CCDC187: variants seen among roughly 807,000 people sequenced by gnomAD.
CCDC187 encodes coiled-coil domain-containing protein 187.
A neutral mutation model predicts 38.0 loss-of-function variants in CCDC187; 32 were observed. The observed-to-expected ratio is 0.84, with a 90% CI of 0.64 to 1.13. The LOEUF is 1.13. Among genes scored for constraint, CCDC187 ranks in the 50% most tolerant of loss-of-function variants. The pLI, the probability that CCDC187 is intolerant of heterozygous loss-of-function variation, is 0.00. For synonymous variants in CCDC187, 333 were observed against 347.9 expected, an observed-to-expected ratio of 0.96 and a Z score of 0.48; for missense variants, 707 against 786.8, an observed-to-expected ratio of 0.90 and a Z score of 1.21.
chr9:136,254,451 G>C lies in CCDC187; in HGVS notation c.5377C>G (p.Leu1793Val). 2.0e-6 allele frequency: 2 copies of C among 985,372 alleles called. No homozygotes were observed. Among genetic ancestry groups the C allele is most frequent in the Non-Finnish European group, 2.4e-6 (2 of 829,906 alleles). The allele number at this position is 985,372 out of a possible 1,614,324, so 61.0% of individuals were successfully genotyped here. The part of the protein sequence containing the change: ...SSLPAGGSLG[L>V]GSGVEPQVAP... ...ACCTGGGGCTCCACGCCGCTTCCAAGGCCCAGTGAGCCACCTGCAGGCAGG... is the reference window on the plus strand; with the variant it reads ...ACCTGGGGCTCCACGCCGCTTCCAACGCCCAGTGAGCCACCTGCAGGCAGG... Residue 1793 changes from leucine to valine, a missense_variant, in exon 26 of 26, where the codon CTT (leucine) becomes GTT (valine). Coordinates refer to ENST00000638797, the MANE Select transcript of CCDC187 (RefSeq NM_001378188.1).
At chr9:136,263,005 C>G (rs1430534229) in intron 18 of CCDC187, among the ~76,000 whole-genome samples, 3 of 152,076 alleles carry the variant, frequency 2.0e-5, no homozygotes, top group Non-Finnish European at 4.4e-5. Context: ...GCTGGCCTCC[C>G]TGAGGAGCTC....
At chr9:136,298,877 C>T (rs1831601326) in intron 3 of CCDC187, among the ~76,000 whole-genome samples, 1 of 152,236 alleles carries the variant, frequency 6.6e-6, no homozygotes, top group African/African-American at 2.4e-5. Flanking sequence ...AATGGCTGCA[C>T]AGTGCTATGA....
Position 136,290,665 on chromosome 9 carries a change from G to T in CCDC187, c.1948C>A (p.Arg650=). The change falls in exon 6 of 26, where the codon CGG becomes AGG. Residue 650 remains arginine, a synonymous_variant. Coordinates refer to ENST00000638797, the MANE Select transcript of CCDC187 (RefSeq NM_001378188.1). ...TTCTCCTCCAGGGCCTGCCGCCGCC[G>T]GGCCTGCGCCTTCTGGCGCATGAAC... ...REFMRQKAQA[R]RRQALEEKAS... The T allele has an allele frequency of 2.5e-6, 1 of 398,532 alleles. No individual in the cohort carries two copies. Among genetic ancestry groups the T allele is most frequent in the Non-Finnish European group, 4.4e-6 (1 of 225,998 alleles). 24.7% of individuals were successfully genotyped at this position (398,532 alleles called of 1,614,324 possible).
chr9:136,255,747 C>T lies in CCDC187; in HGVS notation c.4617-14G>A, dbSNP rs1237289424. 7.1e-6 allele frequency: 7 copies of T among 984,626 alleles called. No homozygotes were observed. The highest frequency in any genetic ancestry group is 1.1e-4 in the East Asian group (1 of 8,812). The allele number at this position is 984,626 out of a possible 1,614,324, so 61.0% of individuals were successfully genotyped here. On this transcript the variant is annotated splice_polypyrimidine_tract_variant and intron_variant, in intron 24 of 25. Coordinates refer to ENST00000638797, the MANE Select transcript of CCDC187 (RefSeq NM_001378188.1). ...CAGGCCTCCGTCCTGCAAGCACATT[C>T]GTGGAGAACCCTGTGGGGATCCTGG... is the stretch of plus-strand genomic sequence containing the variant.
At chr9:136,259,309 G>GGTACCAAGATGAAGATAAAGTCACAGAT (rs1830653516) in intron 21 of CCDC187, 54 bp downstream of exon 21, 1 of 743,802 alleles carries the variant, frequency 1.3e-6, no homozygotes, top group Non-Finnish European at 1.6e-6. Flanking sequence ...TTGGGGGGGG[G>GGTACCAAGATGAAGATAAAGTCACAGAT]TGGTCCCTGA....
rs1166088559 is a variant in CCDC187 at position 136,302,890 on chromosome 9, G to A, written c.547C>T (p.Leu183Phe). 2.5e-6 allele frequency: 1 copy of A among 398,608 alleles called. No homozygotes were observed. The highest frequency in any genetic ancestry group is 2.1e-5 in the African/African-American group (1 of 48,644). The allele number at this position is 398,608 out of a possible 1,614,324, so 24.7% of individuals were successfully genotyped here. A position where few individuals can be genotyped will look rare whatever the true frequency, so the allele number is the denominator to read the frequency against. ...AGCATCAGCGTGGAGGCTTTGTGGAGTCTGGAGGCGCTGGAGGGGGCTGAG... is the reference window on the plus strand; with the variant it reads ...AGCATCAGCGTGGAGGCTTTGTGGAATCTGGAGGCGCTGGAGGGGGCTGAG... ...GTSAPSSASR[L>F]HKASTLMLRR... Residue 183 changes from leucine (L) to phenylalanine (F), a missense_variant, in exon 2 of 26, where the codon CTC becomes TTC. Transcript: ENST00000638797.
rs1830602681 is a variant in CCDC187, at chr9:136,255,652, A to G, written c.4693+5T>C. 1.0e-6 allele frequency: 1 copy of G among 983,996 alleles called. No homozygotes were observed. Among genetic ancestry groups the G allele is most frequent in the African/African-American group, 1.8e-5 (1 of 57,110 alleles). 61.0% of individuals were successfully genotyped at this position (983,996 alleles called of 1,614,324 possible). A position where few individuals can be genotyped will look rare whatever the true frequency, so the allele number is the denominator to read the frequency against. ...TGAAGGAGGGGCTGGGGGCTGGGGC[A>G]TTACCTGGGGAGGCAGCGGCCTGGG... On this transcript the variant is annotated splice_donor_5th_base_variant and intron_variant, in intron 25 of 25. Coordinates refer to ENST00000638797, the MANE Select transcript of CCDC187 (RefSeq NM_001378188.1).
chr9:136,304,667 C>T (rs1831770880), upstream of CCDC187, among the ~76,000 whole-genome samples: 1 of 152,194 alleles, frequency 6.6e-6, no homozygotes, highest in African/African-American at 2.4e-5. Flanking sequence ...ATCCCAGTTC[C>T]CTCCCAGCTC....
chr9:136,266,006 C>T lies in CCDC187; in HGVS notation c.3685G>A (p.Ala1229Thr), dbSNP rs577023437. 152 of 985,412 alleles carry T rather than the reference C, an allele frequency of 1.5e-4. No individual in the cohort carries two copies. Among genetic ancestry groups the T allele is most frequent in the Non-Finnish European group, 1.7e-4 (139 of 829,992 alleles). 61.0% of individuals were successfully genotyped at this position (985,412 alleles called of 1,614,324 possible). Residue 1229 changes from alanine (A) to threonine (T), a missense_variant, in exon 17 of 26, where the codon GCG (alanine) becomes ACG (threonine). Ala to Thr is a moderately conservative substitution (Grantham distance 58). Coordinates refer to ENST00000638797, the MANE Select transcript of CCDC187 (RefSeq NM_001378188.1). Reference sequence around the variant, plus strand: ...GCTTGCTGCTGCTTCTCAACCAGCGCGGCCAGCACAGCTCTGTCCCTCTTG... The same window carrying T: ...GCTTGCTGCTGCTTCTCAACCAGCGTGGCCAGCACAGCTCTGTCCCTCTTG... ...DSKRDRAVLA[A>T]LVEKQQQALS...
At chr9:136,274,069 G>A (rs75686735) in intron 14 of CCDC187, among the ~76,000 whole-genome samples, 3,956 of 152,306 alleles carry the variant, frequency 0.026, 144 homozygotes, top group African/African-American at 0.086. Context: ...AGGGAAAGCC[G>A]CTCAAAGGAG....
At chr9:136,292,428 C>T (rs1831356478) in intron 4 of CCDC187, 133 bp from the exon 5 acceptor site, 1 of 396,428 alleles carries the variant, frequency 2.5e-6, no homozygotes, top group Non-Finnish European at 4.4e-6. Flanking sequence ...GGGAGGATAT[C>T]CCTCATGTCC....
chr9:136,270,569 AAAGTAGAC>A (rs1554762264), intron 14 of CCDC187, among the ~76,000 whole-genome samples: 2 of 152,234 alleles, frequency 1.3e-5, no homozygotes, highest in African/African-American at 4.8e-5. Context: ...GAGGAACATG[AAAGTAGAC>A]AAGGAGGGTG....
chr9:136,295,577 A>G (rs1440441959), intron 4 of CCDC187, among the ~76,000 whole-genome samples: 1 of 152,212 alleles, frequency 6.6e-6, no homozygotes, highest in Non-Finnish European at 1.5e-5. Flanking sequence ...TGAATATTTT[A>G]TAACTATTGT....
Position 136,303,814 on chromosome 9 carries a change from A to G in CCDC187, c.17T>C (p.Val6Ala), listed in dbSNP as rs1371011767. The G allele has an allele frequency of 6.6e-6, 1 of 152,330 alleles. No homozygotes were observed. The highest frequency in any genetic ancestry group is 1.9e-4 in the East Asian group (1 of 5,192). 9.4% of individuals were successfully genotyped at this position (152,330 alleles called of 1,614,324 possible). A position where few individuals can be genotyped will look rare whatever the true frequency, so the allele number is the denominator to read the frequency against. Residue 6 changes from valine to alanine, a missense_variant, in exon 1 of 26, where the codon GTG becomes GCG. Coordinates refer to ENST00000638797, the MANE Select transcript of CCDC187 (RefSeq NM_001378188.1). MPTLV[V>A]GTPPTCLGDT... ...CCCCAGGCAGGTGGGCGGCGTGCCC[A>G]CGACCAGGGTCGGCATGGCCGCGGG... is the stretch of plus-strand genomic sequence containing the variant.
At chr9:136,302,455 C>T (rs2131369485) in intron 2 of CCDC187, among the ~76,000 whole-genome samples, 1 of 151,978 alleles carries the variant, frequency 6.6e-6, no homozygotes, top group Admixed American at 6.5e-5. Flanking sequence ...TTTTAGGGCG[C>T]TCCTGACCTA....
At chr9:136,272,310 A>G (rs1382728982) in intron 14 of CCDC187, among the ~76,000 whole-genome samples, 1 of 152,264 alleles carries the variant, frequency 6.6e-6, no homozygotes, top group African/African-American at 2.4e-5. Flanking sequence ...TTTTAACAAG[A>G]TAATTGGCTG....
chr9:136,301,755 T>A (rs1399458224), intron 2 of CCDC187, among the ~76,000 whole-genome samples: 1 of 151,798 alleles, frequency 6.6e-6, no homozygotes, highest in Admixed American at 6.6e-5. Flanking sequence ...CCCAGCTAGT[T>A]TTTTTTGTAT....
At chr9:136,292,669 G>T (rs1831363079) in intron 4 of CCDC187, among the ~76,000 whole-genome samples, 1 of 152,232 alleles carries the variant, frequency 6.6e-6, no homozygotes, top group Non-Finnish European at 1.5e-5. Context: ...AGCAGCAGCA[G>T]CAGCTGGAGT....
intron 14 of CCDC187, 67 bp from the exon 15 acceptor site, chr9:136,268,192 C>G: frequency 1.1e-6 from 1 of 940,778 alleles, no homozygotes; most frequent in East Asian, 1.2e-4. Context: ...GGGGCCATTT[C>G]TACCGGAGGG....
Sources: allele counts gnomAD v4.1 joint callset (sites outside exome capture counted in the v4.1 genomes callset), GRCh38; gene constraint gnomAD v4.1.1; transcripts MANE v1.5; gene names NCBI Gene and HGNC (gene_info 2026-07-23, HGNC 2026-07-21).